SLC2A9: variants seen among roughly 807,000 people sequenced by gnomAD.
SLC2A9 encodes solute carrier family 2 member 9, also known as solute carrier family 2, facilitated glucose transporter member 9.
SLC2A9 carries 39 observed loss-of-function variants against 50.6 expected under a neutral mutation model. The ratio of observed to expected loss-of-function variants is 0.77; its 90% CI spans 0.60 to 1.01. The LOEUF is 1.01. Ranked by LOEUF, SLC2A9 falls within the 50% of genes least tolerant of loss-of-function variation. The probability of loss-of-function intolerance (pLI) is 0.00; values close to 1 mark genes in which losing one functional copy is unlikely to be tolerated. For synonymous variants in SLC2A9, 324 were observed against 276.9 expected, an observed-to-expected ratio of 1.17 and a Z score of -1.69; for missense variants, 686 against 677.6, an observed-to-expected ratio of 1.01 and a Z score of -0.14.
At chr4:9,892,301 G>A (rs1014086570) in intron 8 of SLC2A9, among the ~76,000 whole-genome samples, 2 of 152,206 alleles carry the variant, frequency 1.3e-5, no homozygotes, top group African/African-American at 2.4e-5. Flanking sequence ...GGAGGGTGCT[G>A]GCCCCGAAAG....
intron 3 of SLC2A9, among the ~76,000 whole-genome samples, chr4:9,791,726 C>G (rs914989641): frequency 6.6e-6 from 1 of 152,056 alleles, no homozygotes; most frequent in African/African-American, 2.4e-5. Flanking sequence ...CATGAGGGAG[C>G]TTGGAAAGGA....
chr4:9,943,566 G>T (rs1049735967), intron 5 of SLC2A9, among the ~76,000 whole-genome samples: 5 of 152,144 alleles, frequency 3.3e-5, no homozygotes, highest in African/African-American at 1.2e-4. Flanking sequence ...AAATACCCTG[G>T]AATTAGGGAA....
chr4:9,847,719 T>C (rs1391129801), intron 10 of SLC2A9, among the ~76,000 whole-genome samples: 1 of 152,246 alleles, frequency 6.6e-6, no homozygotes, highest in African/African-American at 2.4e-5. Flanking sequence ...TTCTCCTTCA[T>C]TGGGCAGTAA....
At chr4:9,874,253 A>G (rs1474652114) in intron 10 of SLC2A9, among the ~76,000 whole-genome samples, 1 of 152,034 alleles carries the variant, frequency 6.6e-6, no homozygotes, top group Non-Finnish European at 1.5e-5. Context: ...GCTATTAAAA[A>G]AAAATGCCCC....
intron 2 of SLC2A9, among the ~76,000 whole-genome samples, chr4:9,998,982 A>G (rs1451663770): frequency 6.6e-6 from 1 of 152,088 alleles, no homozygotes; most frequent in Non-Finnish European, 1.5e-5. Context: ...AGACGGTAAA[A>G]CTACAAAGAA....
chr4:9,998,388 T>C (rs1007990163), intron 2 of SLC2A9, among the ~76,000 whole-genome samples: 7 of 152,130 alleles, frequency 4.6e-5, no homozygotes, highest in African/African-American at 1.4e-4. Context: ...ATCTGCAAAA[T>C]GGGAATGATG....
chr4:10,008,896 G>T (rs7681699), intron 2 of SLC2A9, among the ~76,000 whole-genome samples: 66,554 of 147,200 alleles, frequency 0.45, 16,653 homozygotes, highest in African/African-American at 0.67. Flanking sequence ...ATTTCTGTGC[G>T]GTGGTTTTTT....
chr4:10,010,513 C>T (rs557506051), intron 2 of SLC2A9, among the ~76,000 whole-genome samples: 3 of 152,274 alleles, frequency 2.0e-5, no homozygotes, highest in Admixed American at 6.5e-5. Flanking sequence ...GTCTTGTGAA[C>T]GGCTGTGCTC....
chr4:9,783,368 G>A lies in SLC2A9; in HGVS notation n.386-3303C>T, dbSNP rs748536594. The A allele has an allele frequency of 3.6e-5, 58 of 1,614,102 alleles. No individual in the cohort carries two copies. The highest frequency in any genetic ancestry group is 4.7e-5 in the Non-Finnish European group (56 of 1,180,046). ...CCAGATCTATCAGACGTCCCCAGATGGTGACCCTGTTGCTGAGTCTGTCTG... is the reference window on the plus strand; with the variant it reads ...CCAGATCTATCAGACGTCCCCAGATAGTGACCCTGTTGCTGAGTCTGTCTG... On this transcript the variant is annotated intron_variant and non_coding_transcript_variant, in intron 3 of 3. Transcript: ENST00000503803.
intron 10 of SLC2A9, among the ~76,000 whole-genome samples, chr4:9,839,938 C>T (rs947828640): frequency 6.6e-6 from 1 of 152,014 alleles, no homozygotes; most frequent in Non-Finnish European, 1.5e-5. Flanking sequence ...AACACATTTA[C>T]CTATGTAACA....
chr4:9,883,946 C>T (rs1490409029), intron 10 of SLC2A9, among the ~76,000 whole-genome samples: 2 of 152,194 alleles, frequency 1.3e-5, no homozygotes, highest in African/African-American at 2.4e-5. Flanking sequence ...GGGTGTTACC[C>T]CAGGTCAGGG....
At chr4:9,782,159 G>T in intron 3 of SLC2A9, 2 of 1,586,528 alleles carry the variant, frequency 1.3e-6, no homozygotes, top group East Asian at 2.3e-5. Context: ...GGTGGTCACC[G>T]CCTGCCTGCT....
At chr4:9,813,481 ACATT>A (rs1261074513) in intron 3 of SLC2A9, among the ~76,000 whole-genome samples, 1 of 152,176 alleles carries the variant, frequency 6.6e-6, no homozygotes, top group Non-Finnish European at 1.5e-5. Context: ...ACCTGGAGCC[ACATT>A]CATTCCCTTC....
At chr4:9,910,377 C>A (rs1328738559) in intron 7 of SLC2A9, among the ~76,000 whole-genome samples, 2 of 152,182 alleles carry the variant, frequency 1.3e-5, no homozygotes, top group Non-Finnish European at 2.9e-5. Context: ...AACTCTATGT[C>A]CATTGAATAT....
chr4:9,827,540 T>C (rs1725340194), intron 11 of SLC2A9, among the ~76,000 whole-genome samples: 1 of 152,252 alleles, frequency 6.6e-6, no homozygotes, highest in Non-Finnish European at 1.5e-5. Context: ...TTGACAAACA[T>C]TTATTTTTGG....
At chr4:9,941,804 G>T in intron 6 of SLC2A9, 109 bp downstream of exon 6, 1 of 1,501,486 alleles carries the variant, frequency 6.7e-7, no homozygotes. Flanking sequence ...CTGCAAAAAG[G>T]AACAATGACA....
chr4:9,782,548 C>T, intron 3 of SLC2A9: 2 of 1,614,012 alleles, frequency 1.2e-6, no homozygotes, highest in Non-Finnish European at 1.7e-6. Context: ...TCATCTCCTT[C>T]ATTCCGGTCC....
chr4:9,800,697 A>G (rs1721280369), intron 3 of SLC2A9, among the ~76,000 whole-genome samples: 1 of 152,254 alleles, frequency 6.6e-6, no homozygotes, highest in Admixed American at 6.5e-5. Flanking sequence ...CAATACATCA[A>G]TAAAAATAAT....
intron 1 of SLC2A9, among the ~76,000 whole-genome samples, chr4:10,032,531 G>C (rs79394276): frequency 1.3e-5 from 2 of 152,222 alleles, no homozygotes; most frequent in South Asian, 2.1e-4. Context: ...CTGCTGGGCT[G>C]TCAGGGTTGG....
Sources: gnomAD v4.1 joint callset for allele counts (sites outside exome capture counted in the v4.1 genomes callset) on GRCh38, gnomAD v4.1.1 for gene constraint, MANE v1.5 for transcripts, NCBI Gene and HGNC (gene_info 2026-07-23, HGNC 2026-07-21) for gene names.